Variants in AHI1 observed in about 807,000 individuals in gnomAD.
The protein encoded by AHI1 is Abelson helper integration site 1.
AHI1 carries 123 observed loss-of-function variants against 149.3 expected under a neutral mutation model. The observed-to-expected ratio is 0.82, with a 90% CI of 0.71 to 0.96. The LOEUF is 0.96. Among genes scored for constraint, AHI1 ranks in the 40% least tolerant of loss-of-function variants. AHI1 has a pLI of 0.00. For missense variants in AHI1, 1,439 were observed against 1,422.7 expected, an observed-to-expected ratio of 1.01 and a Z score of -0.18; for synonymous variants, 475 against 459.8, an observed-to-expected ratio of 1.03 and a Z score of -0.42.
chr6:135,285,416 G>C lies in AHI1; in HGVS notation c.*229C>G. On this transcript the variant is annotated 3_prime_UTR_variant, in exon 29 of 29. Transcript: ENST00000265602. ...CTAACAATATAAGTACCAATACTTT[G>C]ACCAACAATAGTCACAATGGTTTAT... 1 of 584,568 alleles carries C rather than the reference G, an allele frequency of 1.7e-6. No homozygotes were observed. Among genetic ancestry groups the C allele is most frequent in the Non-Finnish European group, 3.0e-6 (1 of 328,552 alleles). The allele number at this position is 584,568 out of a possible 1,614,324, so 36.2% of individuals were successfully genotyped here.
At chr6:135,354,037 A>G (rs1418743304) in intron 24 of AHI1, among the ~76,000 whole-genome samples, 3 of 152,138 alleles carry the variant, frequency 2.0e-5, no homozygotes, top group African/African-American at 7.2e-5. Context: ...AGCGTTTCAT[A>G]GTTGGTATAA....
At chr6:135,376,881 CAAAAAAAAAAAAAAAAAAAAAAAA>C (rs1167083326) in intron 23 of AHI1, among the ~76,000 whole-genome samples, 80 of 29,420 alleles carry the variant, frequency 2.7e-3, no homozygotes, top group Middle Eastern at 0.045. Flanking sequence ...GACTCCATCT[CAAAAAAAAAAAAAAAAAAAAAAAA>C]AAAAAAAAAA....
rs113949805 is a variant in AHI1 at position 135,468,055 on chromosome 6, A to T, written c.136-421T>A. 2.2e-3 allele frequency among the ~76,000 whole-genome samples: 328 copies of T among 152,310 alleles called. 2 individuals carry two copies. The highest frequency in any genetic ancestry group is 7.5e-3 in the African/African-American group (310 of 41,580). ...TTTAAAAGTAGTTAAAAAATATCCA[A>T]TGTATATAAAAAGGTGATTTAAAAA... is the stretch of plus-strand genomic sequence containing the variant. On this transcript the variant is annotated intron_variant, in intron 5 of 28. Transcript: ENST00000265602.
intron 5 of AHI1, among the ~76,000 whole-genome samples, chr6:135,487,313 G>T (rs929449839): frequency 2.0e-5 from 3 of 152,034 alleles, no homozygotes; most frequent in African/African-American, 7.2e-5. Context: ...ATACGCTAGG[G>T]ACAAGAGTAA....
rs780248137 is a variant in AHI1 at position 135,385,532 on chromosome 6, TGAAAA to T, written c.3109+9239_3109+9243del. On this transcript the variant is annotated intron_variant, in intron 23 of 28. Transcript: ENST00000265602. ...GCAATGAAAAGGTCACTTTTGAGCT[TGAAAA>T]GAAGAGATTAGAGATTTCAACAAAT... Among the ~76,000 whole-genome samples the T allele has an allele frequency of 1.1e-4, 16 of 152,254 alleles. No homozygotes were observed. In the East Asian group the frequency reaches 2.1e-3, roughly 20 times the overall value.
At chr6:135,370,849 T>C (rs1386716063) in intron 23 of AHI1, among the ~76,000 whole-genome samples, 2 of 152,188 alleles carry the variant, frequency 1.3e-5, no homozygotes, top group Non-Finnish European at 2.9e-5. Context: ...TCCTTTTTTT[T>C]CTTGCCTGTT....
At chr6:135,340,418 A>G (rs971276303) in intron 24 of AHI1, among the ~76,000 whole-genome samples, 9 of 151,440 alleles carry the variant, frequency 5.9e-5, no homozygotes, top group Non-Finnish European at 8.9e-5. Flanking sequence ...AAGGAAGGAT[A>G]AGCAGTGTCC....
chr6:135,312,979 G>T (rs1046715262), intron 26 of AHI1, among the ~76,000 whole-genome samples: 1 of 152,182 alleles, frequency 6.6e-6, no homozygotes, highest in African/African-American at 2.4e-5. Context: ...GATAGACTCT[G>T]TGGGAGGTTT....
chr6:135,382,920 AAAAAAAATATATAT>A (rs1157724661), intron 23 of AHI1, among the ~76,000 whole-genome samples: 16 of 104,520 alleles, frequency 1.5e-4, no homozygotes, highest in Non-Finnish European at 3.1e-4. Flanking sequence ...AAAAAAAAAA[AAAAAAAATATATAT>A]ATATATATAT....
Position 135,317,569 on chromosome 6 carries a change from A to T in AHI1, c.3426+950T>A, listed in dbSNP as rs764575603. Among the ~76,000 whole-genome samples, 3 of 151,632 alleles carry T rather than the reference A, an allele frequency of 2.0e-5. 1 individual carries two copies. In the South Asian group the frequency reaches 6.3e-4, roughly 32 times the overall value. ...TATGTGTTCCCAATATACTGTGTACATATCTGCATTATAGTTTCTACCAGA... is the reference window on the plus strand; with the variant it reads ...TATGTGTTCCCAATATACTGTGTACTTATCTGCATTATAGTTTCTACCAGA... On this transcript the variant is annotated intron_variant, in intron 26 of 28. Transcript: ENST00000265602.
chr6:135,354,065 G>C (rs1166822955), intron 24 of AHI1, among the ~76,000 whole-genome samples: 1 of 152,108 alleles, frequency 6.6e-6, no homozygotes, highest in African/African-American at 2.4e-5. Flanking sequence ...GAGACAGTCT[G>C]AATTTTATTT....
intron 13 of AHI1, among the ~76,000 whole-genome samples, chr6:135,445,832 G>A (rs1012558306): frequency 1.2e-4 from 18 of 152,162 alleles, no homozygotes; most frequent in East Asian, 5.8e-4. Flanking sequence ...TGAGGCAGGC[G>A]GATCACGAGG....
At chr6:135,326,415 T>TTTC (rs144258962) in intron 24 of AHI1, among the ~76,000 whole-genome samples, 7 of 152,052 alleles carry the variant, frequency 4.6e-5, no homozygotes, top group South Asian at 2.1e-4. Context: ...AGAAAATAAA[T>TTTC]TTCTTCTTCT....
At chr6:135,391,776 GCTACTGCAGTAGGTACAGGGA>G (rs1778536950) in intron 23 of AHI1, among the ~76,000 whole-genome samples, 1 of 152,126 alleles carries the variant, frequency 6.6e-6, no homozygotes, top group African/African-American at 2.4e-5. Context: ...TTTATTCAGG[GCTACTGCAGTAGGTACAGGGA>G]CTACTGCAAT....
intron 26 of AHI1, among the ~76,000 whole-genome samples, chr6:135,316,048 T>C (rs970621930): frequency 3.7e-5 from 3 of 81,026 alleles, no homozygotes; most frequent in East Asian, 3.2e-4. Context: ...CACCTTGTAG[T>C]TGAGAAAACA....
intron 5 of AHI1, among the ~76,000 whole-genome samples, chr6:135,475,020 A>C (rs184072341): frequency 7.2e-5 from 11 of 152,316 alleles, no homozygotes; most frequent in African/African-American, 2.6e-4. Context: ...AAAGTTACTA[A>C]TGAAGCCACC....
intron 24 of AHI1, among the ~76,000 whole-genome samples, chr6:135,339,657 A>G (rs955535282): frequency 2.6e-5 from 4 of 152,226 alleles, no homozygotes; most frequent in Non-Finnish European, 5.9e-5. Context: ...AATAGAATGA[A>G]CAAAAATGAA....
intron 21 of AHI1, among the ~76,000 whole-genome samples, chr6:135,405,902 AAG>A (rs1270688841): frequency 6.6e-6 from 1 of 151,636 alleles, no homozygotes; most frequent in East Asian, 1.9e-4. Flanking sequence ...GAAAAAGAAA[AAG>A]AAAAAAAAAT....
intron 17 of AHI1, among the ~76,000 whole-genome samples, chr6:135,430,446 A>T (rs1784490903): frequency 6.6e-6 from 1 of 151,950 alleles, no homozygotes; most frequent in Admixed American, 6.6e-5. Flanking sequence ...TTTTCAACAG[A>T]TCTGATAGAC....
Sources: gnomAD v4.1 joint callset for allele counts (sites outside exome capture counted in the v4.1 genomes callset) on GRCh38, gnomAD v4.1.1 for gene constraint, MANE v1.5 for transcripts, NCBI Gene and HGNC (gene_info 2026-07-23, HGNC 2026-07-21) for gene names.